The following MERTK variants were observed in gnomAD, a reference collection of about 807,000 sequenced individuals.
MERTK encodes tyrosine-protein kinase Mer.
Under a neutral mutation model 99.3 loss-of-function variants are expected in MERTK, and 69 were observed. The observed-to-expected ratio is 0.70, with a 90% CI of 0.57 to 0.85. The LOEUF (loss-of-function observed/expected upper bound fraction) is 0.85, where lower values mean the gene tolerates loss of function less well. Among genes scored for constraint, MERTK ranks in the 40% least tolerant of loss-of-function variants. The probability of loss-of-function intolerance (pLI) is 0.00; values close to 1 mark genes in which losing one functional copy is unlikely to be tolerated. For synonymous variants in MERTK, 426 were observed against 467.6 expected (o/e 0.91, Z 1.15); for missense variants, 1,125 against 1,249.4 (o/e 0.90, Z 1.50).
intron 1 of MERTK, among the ~76,000 whole-genome samples, chr2:111,924,090 C>T (rs373433630): frequency 1.3e-5 from 2 of 152,138 alleles, no homozygotes; most frequent in African/African-American, 4.8e-5. Context: ...TTGTGCAGTA[C>T]GAGCCTCACC....
At chr2:111,974,684 G>C (rs963447770) in intron 6 of MERTK, among the ~76,000 whole-genome samples, 2 of 142,682 alleles carry the variant, frequency 1.4e-5, no homozygotes, top group Non-Finnish European at 3.0e-5. Context: ...CAGGAGAATT[G>C]CTTGAATCCG....
intron 2 of MERTK, 35 bp downstream of exon 2, chr2:111,929,575 T>C: frequency 7.1e-7 from 1 of 1,413,046 alleles, no homozygotes; most frequent in Non-Finnish European, 9.5e-7. Flanking sequence ...ATTTTTTTAG[T>C]TTTAATATTT....
rs577124095 is a variant in MERTK at position 112,020,890 on chromosome 2, G to A, written c.2190-532G>A. On this transcript the variant is annotated intron_variant, in intron 16 of 18. Coordinates refer to ENST00000295408, the MANE Select transcript of MERTK (RefSeq NM_006343.3). ...GTCCACATCCCACACAGATCAGAGC[G>A]ATGCAAGACTGCATCACTTGAGGCT... 4.6e-5 allele frequency among the ~76,000 whole-genome samples: 7 copies of A among 152,124 alleles called. No individual in the cohort carries two copies. The South Asian group carries it at 8.3e-4, about 18-fold the overall frequency.
At chr2:111,981,842 A>C (rs1461582603) in intron 7 of MERTK, among the ~76,000 whole-genome samples, 2 of 152,076 alleles carry the variant, frequency 1.3e-5, no homozygotes, top group African/African-American at 4.8e-5. Flanking sequence ...TGGTGGCTGC[A>C]TTCTGAGCTC....
In MERTK at chr2:111,974,226, TAA is replaced by T. The variant is rs71385852; in HGVS notation, c.961-1038_961-1037del. On this transcript the variant is annotated intron_variant, in intron 6 of 18. Transcript: ENST00000295408. Reference sequence around the variant, plus strand: ...CAACATGGTGAAACCCCACCTCTACTAAAAAAAAAAAAAAAAAAAAAAAAAAG... The same window carrying T: ...CAACATGGTGAAACCCCACCTCTACTAAAAAAAAAAAAAAAAAAAAAAAAG... 7.1e-3 allele frequency among the ~76,000 whole-genome samples: 412 copies of T among 58,180 alleles called. 2 individuals carry two copies. The highest frequency in any genetic ancestry group is 0.026 in the African/African-American group (365 of 14,100). The allele number at this position is 58,180 out of a possible 152,430, so 38.2% of individuals were successfully genotyped here. A position where few individuals can be genotyped will look rare whatever the true frequency, so the allele number is the denominator to read the frequency against.
intron 13 of MERTK, among the ~76,000 whole-genome samples, chr2:112,005,982 G>A (rs1462204798): frequency 6.6e-6 from 1 of 152,136 alleles, no homozygotes; most frequent in East Asian, 1.9e-4. Context: ...CTGGGTTCGA[G>A]CAATTCTTCT....
chr2:112,028,532 C>CTTGCT lies in MERTK; in HGVS notation c.2669_2673dup (p.Pro892LeufsTer6). The stretch of plus-strand genomic sequence containing the variant: ...TGAGGGCCTGGCCCAGGGCTCCACC[C>CTTGCT]TTGCTCCACTGGACTTGAACATCGA... On this transcript the variant is annotated frameshift_variant, in exon 19 of 19. Transcript: ENST00000295408. LOFTEE classifies it low-confidence loss of function (END_TRUNC). The CTTGCT allele has an allele frequency of 6.2e-7, 1 of 1,614,216 alleles. No individual in the cohort carries two copies. Among genetic ancestry groups the CTTGCT allele is most frequent in the Non-Finnish European group, 8.5e-7 (1 of 1,180,042 alleles).
chr2:111,945,607 G>A (rs1231484160), intron 3 of MERTK, among the ~76,000 whole-genome samples: 3 of 152,160 alleles, frequency 2.0e-5, no homozygotes, highest in Non-Finnish European at 2.9e-5. Flanking sequence ...TCATATGAAG[G>A]TCCATGGGGA....
chr2:111,980,625 G>A (rs951907178), intron 7 of MERTK, among the ~76,000 whole-genome samples: 1 of 151,794 alleles, frequency 6.6e-6, no homozygotes, highest in Non-Finnish European at 1.5e-5. Context: ...TCACCGTGTT[G>A]GCCAGGATGG....
At chr2:111,997,853 A>C (rs1362978985) in intron 10 of MERTK, among the ~76,000 whole-genome samples, 3 of 152,328 alleles carry the variant, frequency 2.0e-5, no homozygotes, top group East Asian at 3.9e-4. Context: ...GGAGTTTGAG[A>C]CCAGCCTGGC....
chr2:111,956,611 T>C (rs1392095317), intron 4 of MERTK, among the ~76,000 whole-genome samples: 1 of 152,222 alleles, frequency 6.6e-6, no homozygotes, highest in African/African-American at 2.4e-5. Flanking sequence ...CAGTACTTTC[T>C]GTAAAGAATT....
At position 111,947,145 on chromosome 2, in the gene MERTK, C is replaced by A. The variant is rs185201792; in HGVS notation, c.584-249C>A. On this transcript the variant is annotated intron_variant, in intron 3 of 18. Transcript: ENST00000295408. ...AAAATTAGCCAGACCTGGTGGTGTG[C>A]GCCTGTAATCCCAGCTACTTAGGAG... 7.9e-4 allele frequency among the ~76,000 whole-genome samples: 120 copies of A among 152,172 alleles called. No individual in the cohort carries two copies. The Middle Eastern group carries it at 0.024, about 30-fold the overall frequency.
intron 13 of MERTK, among the ~76,000 whole-genome samples, 195 bp from the exon 14 acceptor site, chr2:112,008,188 C>T (rs536438943): frequency 6.6e-6 from 1 of 152,108 alleles, no homozygotes; most frequent in African/African-American, 2.4e-5. Context: ...CCAAAAGTCC[C>T]CTGTGCTTTG....
intron 1 of MERTK, among the ~76,000 whole-genome samples, chr2:111,914,167 C>T (rs1479620328): frequency 7.0e-6 from 1 of 142,428 alleles, no homozygotes; most frequent in Admixed American, 7.4e-5. Context: ...TGCAGTGGCA[C>T]GATCTTGGCT....
intron 9 of MERTK, chr2:111,996,564 G>A (rs761195052): frequency 6.5e-6 from 1 of 154,814 alleles, no homozygotes; most frequent in Non-Finnish European, 1.5e-5. Flanking sequence ...AGTGTTCAAC[G>A]TAAAATTTGA....
intron 15 of MERTK, among the ~76,000 whole-genome samples, chr2:112,014,658 CA>C (rs1450213711): frequency 6.7e-6 from 1 of 150,266 alleles, no homozygotes; most frequent in Admixed American, 6.6e-5. Context: ...CTTTTTGAGA[CA>C]GAGTCTCACT....
chr2:111,936,635 T>A (rs1684769343), intron 2 of MERTK, among the ~76,000 whole-genome samples: 1 of 152,160 alleles, frequency 6.6e-6, no homozygotes, highest in Admixed American at 6.5e-5. Flanking sequence ...AAACATTCAG[T>A]GTCTGCTACA....
intron 1 of MERTK, among the ~76,000 whole-genome samples, chr2:111,922,396 A>G (rs536625755): frequency 6.6e-5 from 10 of 152,364 alleles, no homozygotes; most frequent in South Asian, 6.2e-4. Flanking sequence ...GAGATGCCTT[A>G]GAGCTAAGAG....
intron 1 of MERTK, among the ~76,000 whole-genome samples, chr2:111,927,162 T>C (rs1393084486): frequency 6.6e-6 from 1 of 152,216 alleles, no homozygotes; most frequent in Non-Finnish European, 1.5e-5. Flanking sequence ...TCTTCTCTTC[T>C]ATCTGGCATT....
Sources: allele counts gnomAD v4.1 joint callset (sites outside exome capture counted in the v4.1 genomes callset), GRCh38; gene constraint gnomAD v4.1.1; transcripts MANE v1.5; gene names NCBI Gene and HGNC (gene_info 2026-07-23, HGNC 2026-07-21).